The following SCARB1 variants were observed in gnomAD, a reference collection of about 807,000 sequenced individuals.
SCARB1 encodes scavenger receptor class B member 1, also known as CD36 and LIMPII analogous 1.
SCARB1 carries 30 observed loss-of-function variants against 57.2 expected under a neutral mutation model. The ratio of observed to expected loss-of-function variants is 0.52; its 90% CI spans 0.39 to 0.71. SCARB1 has a LOEUF of 0.71. SCARB1 is among the 30% of genes least tolerant of loss of function. The pLI is 0.00. For synonymous variants in SCARB1, 249 were observed against 268.3 expected (o/e 0.93, Z 0.70); for missense variants, 543 against 671.2 (o/e 0.81, Z 2.11).
intron 1 of SCARB1, among the ~76,000 whole-genome samples, chr12:124,830,357 G>T (rs1951336145): frequency 6.6e-6 from 1 of 152,106 alleles, no homozygotes; most frequent in African/African-American, 2.4e-5. Flanking sequence ...AAAAATGAAA[G>T]CATGCACCCA....
At chr12:124,816,380 C>A (rs1950718724) in intron 2 of SCARB1, among the ~76,000 whole-genome samples, 1 of 152,194 alleles carries the variant, frequency 6.6e-6, no homozygotes, top group Non-Finnish European at 1.5e-5. Flanking sequence ...CATTTTTGCC[C>A]ATTCTGTCCA....
chr12:124,778,135 G>T lies in SCARB1; in HGVS notation c.*452C>A. ...CCCACTGAATTTGGCACAGGAAGGC[G>T]GCACTCCCAGCCTGGCCCGTCCTGC... On this transcript the variant is annotated 3_prime_UTR_variant, in exon 13 of 13. Transcript: ENST00000261693. 1 of 251,968 alleles carries T rather than the reference G, an allele frequency of 4.0e-6. No homozygotes were observed. 15.6% of individuals were successfully genotyped at this position (251,968 alleles called of 1,614,324 possible).
In SCARB1 at chr12:124,800,264, G is replaced by T. The variant is rs533987980; in HGVS notation, c.1010-22C>A. 6.4e-7 allele frequency: 1 copy of T among 1,558,362 alleles called. No homozygotes were observed. The highest frequency in any genetic ancestry group is 1.1e-5 in the South Asian group (1 of 89,746). On this transcript the variant is annotated intron_variant, in intron 7 of 12. Coordinates refer to ENST00000261693, the MANE Select transcript of SCARB1 (RefSeq NM_005505.5). The surrounding 1 kb of genome is among the most constrained non-coding windows in gnomAD (Gnocchi z 4.8). Reference sequence around the variant, plus strand: ...GCACCTAGAAGAGGGGCAGGGAGGGGACATCAGACAAGGACAGTATATTGG... The same window carrying T: ...GCACCTAGAAGAGGGGCAGGGAGGGTACATCAGACAAGGACAGTATATTGG...
rs1485869168 is a variant in SCARB1, at chr12:124,793,763, C to T, written c.1202+1432G>A. Among the ~76,000 whole-genome samples, 4 of 150,564 alleles carry T rather than the reference C, an allele frequency of 2.7e-5. No individual in the cohort carries two copies. The East Asian group carries it at 5.8e-4, about 22-fold the overall frequency. On this transcript the variant is annotated intron_variant, in intron 9 of 12. Coordinates refer to ENST00000261693, the MANE Select transcript of SCARB1 (RefSeq NM_005505.5). ...TGTGCAAGTCTGACTGTTCCTCAAA[C>T]GGTTAAACAAAGAGTTAACATAGGA... is the stretch of plus-strand genomic sequence containing the variant.
rs1439079019 is a variant in SCARB1, at chr12:124,778,059, TGGCA to T, written c.*524_*527del. The stretch of plus-strand genomic sequence containing the variant: ...CTGTGTAAAGGCGCTTTGCCTGGCC[TGGCA>T]GGTAGACCAAGGCCAAAGCTCGTGG... On this transcript the variant is annotated 3_prime_UTR_variant, in exon 13 of 13. Transcript: ENST00000261693. 4.6e-5 allele frequency: 8 copies of T among 172,720 alleles called. No homozygotes were observed. The highest frequency in any genetic ancestry group is 8.5e-5 in the Non-Finnish European group (7 of 82,218). 10.7% of individuals were successfully genotyped at this position (172,720 alleles called of 1,614,324 possible). A position where few individuals can be genotyped will look rare whatever the true frequency, so the allele number is the denominator to read the frequency against.
At chr12:124,839,445 A>T (rs1263367182) in intron 1 of SCARB1, among the ~76,000 whole-genome samples, 1 of 151,872 alleles carries the variant, frequency 6.6e-6, no homozygotes. Flanking sequence ...CTTCTTACCC[A>T]CCACCCATCA....
chr12:124,843,296 G>C (rs1157022821), intron 1 of SCARB1, among the ~76,000 whole-genome samples: 1 of 123,622 alleles, frequency 8.1e-6, no homozygotes, highest in African/African-American at 2.6e-5. Flanking sequence ...GAGATGGGGG[G>C]GGGGGTCTTA....
intron 1 of SCARB1, among the ~76,000 whole-genome samples, chr12:124,835,174 G>A (rs2135758017): frequency 6.6e-6 from 1 of 152,286 alleles, no homozygotes; most frequent in African/African-American, 2.4e-5. Context: ...AGTGTATGGA[G>A]GCACGTGCAG....
At chr12:124,842,987 C>T (rs968303809) in intron 1 of SCARB1, among the ~76,000 whole-genome samples, 4 of 152,118 alleles carry the variant, frequency 2.6e-5, no homozygotes, top group Admixed American at 2.0e-4. Flanking sequence ...CCTCTGTGGA[C>T]GCAAACATGT....
Position 124,807,748 on chromosome 12 carries a change from G to T in SCARB1, c.1009+13C>A. On this transcript the variant is annotated intron_variant, in intron 7 of 12. Transcript: ENST00000261693. This position sits in a 1 kb window ranked among gnomAD's most constrained non-coding sequence, Gnocchi z 5.3. ...CACCCTCCCGCCATCCCAGCACAGG[G>T]GACGGCACGTACTGAACCTGCAGGT... The T allele has an allele frequency of 6.2e-7, 1 of 1,613,928 alleles. No individual in the cohort carries two copies. Among genetic ancestry groups the T allele is most frequent in the Non-Finnish European group, 8.5e-7 (1 of 1,179,916 alleles).
intron 7 of SCARB1, among the ~76,000 whole-genome samples, chr12:124,805,455 A>G (rs1266635325): frequency 6.6e-6 from 1 of 151,972 alleles, no homozygotes; most frequent in East Asian, 1.9e-4. Flanking sequence ...TGGATCCTTC[A>G]GAGAGGCCGG....
rs1338486845 is a variant in SCARB1 at position 124,817,012 on chromosome 12, G to C, written c.284+538C>G. On this transcript the variant is annotated intron_variant, in intron 2 of 12. Coordinates refer to ENST00000261693, the MANE Select transcript of SCARB1 (RefSeq NM_005505.5). This position sits in a 1 kb window ranked among gnomAD's most constrained non-coding sequence, Gnocchi z 4.8. ...GTCTGGGGGGTCGGTCCCTGCTCCT[G>C]GTCATGCATGTGTGTGTGTGTGTGT... Among the ~76,000 whole-genome samples the C allele has an allele frequency of 2.1e-5, 3 of 139,976 alleles. No homozygotes were observed. Among genetic ancestry groups the C allele is most frequent in the Non-Finnish European group, 4.7e-5 (3 of 64,372 alleles). 91.8% of individuals were successfully genotyped at this position (139,976 alleles called of 152,430 possible).
In SCARB1 at chr12:124,812,916, C is replaced by T. The variant is rs1186815312; in HGVS notation, c.631-951G>A. On this transcript the variant is annotated intron_variant, in intron 4 of 12. Coordinates refer to ENST00000261693, the MANE Select transcript of SCARB1 (RefSeq NM_005505.5). This position sits in a 1 kb window ranked among gnomAD's most constrained non-coding sequence, Gnocchi z 4.3. ...TGTGCAAAAACGGCCAGGTACAGTG[C>T]ACCGGACACAGTAAGAGCTCAAAAT... 6.6e-6 allele frequency among the ~76,000 whole-genome samples: 1 copy of T among 152,142 alleles called. No individual in the cohort carries two copies. The highest frequency in any genetic ancestry group is 1.9e-4 in the East Asian group (1 of 5,196).
At chr12:124,858,195 G>A (rs1036752174) in intron 1 of SCARB1, among the ~76,000 whole-genome samples, 1 of 152,122 alleles carries the variant, frequency 6.6e-6, no homozygotes, top group Non-Finnish European at 1.5e-5. Context: ...ATACACTAGC[G>A]AGGTCACTTG....
intron 1 of SCARB1, among the ~76,000 whole-genome samples, chr12:124,858,672 G>A (rs923420250): frequency 6.6e-6 from 1 of 151,996 alleles, no homozygotes; most frequent in Admixed American, 6.6e-5. Flanking sequence ...GAGGTCAGGA[G>A]ATTGAGACCA....
chr12:124,798,674 G>A (rs1411791705), intron 8 of SCARB1, among the ~76,000 whole-genome samples: 3 of 150,100 alleles, frequency 2.0e-5, no homozygotes, highest in Non-Finnish European at 4.5e-5. Flanking sequence ...AAAACCCTGT[G>A]TCTACTAAAA....
At chr12:124,846,331 C>T (rs1012584339) in intron 1 of SCARB1, among the ~76,000 whole-genome samples, 3 of 152,328 alleles carry the variant, frequency 2.0e-5, no homozygotes, top group African/African-American at 7.2e-5. Flanking sequence ...AAGACACGCA[C>T]GCCATGACCA....
chr12:124,846,017 AAAAG>A (rs148552664), intron 1 of SCARB1, among the ~76,000 whole-genome samples: 32 of 152,156 alleles, frequency 2.1e-4, no homozygotes, highest in Middle Eastern at 3.4e-3. Context: ...GTCTCAAAAA[AAAAG>A]AAAGAAAGAA....
intron 1 of SCARB1, among the ~76,000 whole-genome samples, chr12:124,840,322 C>T (rs573913759): frequency 2.6e-5 from 4 of 152,180 alleles, no homozygotes; most frequent in East Asian, 1.9e-4. Context: ...TACATACAGG[C>T]GCCTGCCACC....
Sources: gnomAD v4.1 joint callset for allele counts (sites outside exome capture counted in the v4.1 genomes callset) on GRCh38, gnomAD v4.1.1 for gene constraint, Gnocchi (gnomAD v3.1) non-coding constraint, MANE v1.5 for transcripts, NCBI Gene and HGNC (gene_info 2026-07-23, HGNC 2026-07-21) for gene names.